MACIR: variants seen among roughly 807,000 people sequenced by gnomAD.
MACIR encodes macrophage immunometabolism regulator, also known as UNC119-binding protein C5orf30.
In MACIR, 4 loss-of-function variants were observed where a neutral mutation model predicts 14.3. The ratio of observed to expected loss-of-function variants is 0.28; its 90% CI spans 0.14 to 0.64. The LOEUF (loss-of-function observed/expected upper bound fraction) is 0.64. MACIR is among the 30% of genes least tolerant of loss of function. The pLI, the probability that MACIR is intolerant of heterozygous loss-of-function variation, is 0.83. For synonymous variants in MACIR, 101 were observed against 102.4 expected, an observed-to-expected ratio of 0.99 and a Z score of 0.08; for missense variants, 228 against 257.6, an observed-to-expected ratio of 0.89 and a Z score of 0.79.
At chr5:103,262,594 C>G (rs1804767334) in intron 1 of MACIR, among the ~76,000 whole-genome samples, 1 of 152,144 alleles carries the variant, frequency 6.6e-6, no homozygotes, top group African/African-American at 2.4e-5. Context: ...GCAAACTTTT[C>G]TATTTGTAGA....
At chr5:103,262,596 A>G (rs1485231748) in intron 1 of MACIR, among the ~76,000 whole-genome samples, 1 of 152,158 alleles carries the variant, frequency 6.6e-6, no homozygotes, top group Non-Finnish European at 1.5e-5. Flanking sequence ...AAACTTTTCT[A>G]TTTGTAGAAG....
intron 1 of MACIR, among the ~76,000 whole-genome samples, chr5:103,265,052 C>T (rs1039329832): frequency 2.6e-5 from 4 of 152,018 alleles, no homozygotes; most frequent in South Asian, 2.1e-4. Flanking sequence ...GGGTTTTCCT[C>T]GTCTCAGCAA....
chr5:103,270,397 C>T (rs968922098), intron 2 of MACIR, among the ~76,000 whole-genome samples: 2 of 152,030 alleles, frequency 1.3e-5, no homozygotes, highest in South Asian at 2.1e-4. Flanking sequence ...TTTGTAAATA[C>T]GCGGAAAAAG....
rs547047651 is a variant in MACIR at position 103,264,736 on chromosome 5, G to A, written c.-113-1172G>A. Among the ~76,000 whole-genome samples, 4 of 152,178 alleles carry A rather than the reference G, an allele frequency of 2.6e-5. No individual in the cohort carries two copies. In the East Asian group the frequency reaches 7.7e-4, roughly 29 times the overall value. ...TGGAGTGACAGTTCTTGGTGCATTG[G>A]CTCCTTCCAGTTTCTCAAGCTAAAG... On this transcript the variant is annotated intron_variant, in intron 1 of 2. Transcript: ENST00000319933.
Position 103,276,154 on chromosome 5 carries a change from G to C in MACIR, c.235G>C (p.Gly79Arg), listed in dbSNP as rs1554237673. Residue 79 changes from glycine to arginine, a missense_variant, in exon 3 of 3, where the codon GGA becomes CGA. Coordinates refer to ENST00000319933, the MANE Select transcript of MACIR (RefSeq NM_033211.4). ...CCTGAAGTTAGCTCAGAAGTGCACA[G>C]GAGGTGAAGAGAGCAAAGCAGAAGC... The part of the protein sequence containing the change: ...ELLKLAQKCT[G>R]GEESKAEAMP... The C allele has an allele frequency of 6.2e-7, 1 of 1,613,968 alleles. No individual in the cohort carries two copies. Among genetic ancestry groups the C allele is most frequent in the Admixed American group, 1.7e-5 (1 of 59,998 alleles).
chr5:103,265,523 T>A (rs1351703853), intron 1 of MACIR, among the ~76,000 whole-genome samples: 1 of 152,178 alleles, frequency 6.6e-6, no homozygotes, highest in East Asian at 1.9e-4. Flanking sequence ...TGGCCTGTGC[T>A]TTTGATCCTA....
At chr5:103,265,642 AT>A (rs1804898872) in intron 1 of MACIR, among the ~76,000 whole-genome samples, 1 of 152,104 alleles carries the variant, frequency 6.6e-6, no homozygotes, top group Admixed American at 6.6e-5. Context: ...TTGTCTCTTT[AT>A]TTAGCCCAGT....
chr5:103,263,814 A>T (rs1337275588), intron 1 of MACIR, among the ~76,000 whole-genome samples: 2 of 152,150 alleles, frequency 1.3e-5, no homozygotes, highest in Non-Finnish European at 2.9e-5. Context: ...GCGGAAATAT[A>T]TAACTGTATT....
chr5:103,264,350 G>T (rs868963218), intron 1 of MACIR, among the ~76,000 whole-genome samples: 1 of 152,204 alleles, frequency 6.6e-6, no homozygotes, highest in East Asian at 1.9e-4. Context: ...AAGATTAAAT[G>T]ATATAAATTG....
intron 2 of MACIR, among the ~76,000 whole-genome samples, chr5:103,275,674 A>G (rs1554237571): frequency 6.6e-6 from 1 of 152,182 alleles, no homozygotes; most frequent in African/African-American, 2.4e-5. Flanking sequence ...TTGGTAGTAC[A>G]TCAGACTTTA....
intron 2 of MACIR, among the ~76,000 whole-genome samples, chr5:103,270,492 AG>A (rs1223220785): frequency 1.3e-5 from 2 of 152,202 alleles, no homozygotes; most frequent in Admixed American, 1.3e-4. Context: ...TGCCATTTAT[AG>A]TACATCAATA....
chr5:103,276,368 A>G lies in MACIR; in HGVS notation c.449A>G (p.His150Arg). 6.2e-7 allele frequency: 1 copy of G among 1,613,478 alleles called. No homozygotes were observed. The highest frequency in any genetic ancestry group is 8.5e-7 in the Non-Finnish European group (1 of 1,179,718). ...CCTTATGAACCTTACAAGGCCCTCC[A>G]TGGGCCTCTGCCTCTTTGTCTTCTT... Reference protein sequence around the residue: ...SLPYEPYKALHGPLPLCLLKG... With the variant: ...SLPYEPYKALRGPLPLCLLKG... Residue 150 changes from histidine to arginine, a missense_variant, in exon 3 of 3, where the codon CAT (histidine) becomes CGT (arginine). Transcript: ENST00000319933.
chr5:103,275,975 C>G lies in MACIR; in HGVS notation c.56C>G (p.Pro19Arg). 6.2e-7 allele frequency: 1 copy of G among 1,614,034 alleles called. No homozygotes were observed. The highest frequency in any genetic ancestry group is 8.5e-7 in the Non-Finnish European group (1 of 1,180,028). The change falls in exon 3 of 3, where the codon CCT becomes CGT. Residue 19 changes from proline (P) to arginine (R), a missense_variant. Physicochemically the swap from Pro to Arg is moderately radical, Grantham distance 103 (BLOSUM62 -2). Transcript: ENST00000319933. ...AGTACCCTGACCACCTTGCCCTTCC[C>G]TGGGGCTGAGGCCAACTCCCCGGGA... ...SRSTLTTLPF[P>R]GAEANSPGKA...
At chr5:103,270,903 C>T (rs1554237077) in intron 2 of MACIR, among the ~76,000 whole-genome samples, 1 of 152,036 alleles carries the variant, frequency 6.6e-6, no homozygotes, top group Non-Finnish European at 1.5e-5. Context: ...TTACATTGTA[C>T]CCTACCTTTA....
In MACIR at chr5:103,265,757, T is replaced by A. The variant is rs149187754; in HGVS notation, c.-113-151T>A. On this transcript the variant is annotated intron_variant, in intron 1 of 2. Coordinates refer to ENST00000319933, the MANE Select transcript of MACIR (RefSeq NM_033211.4). ...TTTAGGTGAACAAACTCAACATCAA[T>A]TGAATTAATTAATTATTGGGTCCTA... is the stretch of plus-strand genomic sequence containing the variant. Among the ~76,000 whole-genome samples the A allele has an allele frequency of 6.1e-4, 93 of 152,278 alleles. 1 individual carries two copies. Among genetic ancestry groups the A allele is most frequent in the African/African-American group, 2.2e-3 (91 of 41,580 alleles).
chr5:103,267,371 A>T (rs1804964086), intron 2 of MACIR, among the ~76,000 whole-genome samples: 2 of 152,196 alleles, frequency 1.3e-5, no homozygotes, highest in African/African-American at 4.8e-5. Context: ...ACAAGAAAAC[A>T]GTCTATACAT....
intron 2 of MACIR, among the ~76,000 whole-genome samples, chr5:103,269,932 G>A (rs978915813): frequency 1.3e-5 from 2 of 152,134 alleles, no homozygotes; most frequent in South Asian, 4.1e-4. Context: ...CATTTAGTTT[G>A]TAAATTTCTT....
At chr5:103,273,306 G>A (rs1805201278) in intron 2 of MACIR, among the ~76,000 whole-genome samples, 1 of 151,634 alleles carries the variant, frequency 6.6e-6, no homozygotes, top group South Asian at 2.1e-4. Context: ...AGGTTGATGT[G>A]TGAAGATCCT....
chr5:103,258,423 G>T (rs961825576), upstream of MACIR, among the ~76,000 whole-genome samples: 1 of 152,116 alleles, frequency 6.6e-6, no homozygotes, highest in Non-Finnish European at 1.5e-5. Flanking sequence ...TGAGGAAGCC[G>T]GAGTGTTCCC....
Sources: gnomAD v4.1 joint callset for allele counts (sites outside exome capture counted in the v4.1 genomes callset) on GRCh38, gnomAD v4.1.1 for gene constraint, MANE v1.5 for transcripts, NCBI Gene and HGNC (gene_info 2026-07-23, HGNC 2026-07-21) for gene names.